EFCAB6: variants seen among roughly 807,000 people sequenced by gnomAD.
EFCAB6 encodes the protein EF-hand calcium-binding domain-containing protein 6.
Under a neutral mutation model 169.8 loss-of-function variants are expected in EFCAB6, and 156 were observed. The observed-to-expected ratio is 0.92, with a 90% CI of 0.81 to 1.05. The LOEUF (loss-of-function observed/expected upper bound fraction) is 1.05. EFCAB6 is among the 50% of genes least tolerant of loss of function. EFCAB6 has a pLI of 0.00. For synonymous variants in EFCAB6, 698 were observed against 676.4 expected, an observed-to-expected ratio of 1.03 and a Z score of -0.50; for missense variants, 1,800 against 1,829.1, an observed-to-expected ratio of 0.98 and a Z score of 0.29.
chr22:43,601,850 CT>C (rs2052547981), intron 22 of EFCAB6, among the ~76,000 whole-genome samples: 2 of 152,246 alleles, frequency 1.3e-5, no homozygotes, highest in Non-Finnish European at 2.9e-5. Flanking sequence ...ACAGGTGCCC[CT>C]GAGGGCTCTC....
intron 12 of EFCAB6, among the ~76,000 whole-genome samples, chr22:43,679,203 G>T (rs1013575411): frequency 3.9e-5 from 6 of 152,278 alleles, no homozygotes; most frequent in African/African-American, 1.4e-4. Flanking sequence ...TCTGTCTCTA[G>T]ATATTTGCCT....
intron 10 of EFCAB6, among the ~76,000 whole-genome samples, chr22:43,690,060 C>T (rs978931175): frequency 6.6e-6 from 1 of 152,068 alleles, no homozygotes; most frequent in South Asian, 2.1e-4. Flanking sequence ...ACATATCCAC[C>T]CAGCCAGATA....
At chr22:43,699,432 CT>C (rs1354921306) in intron 10 of EFCAB6, among the ~76,000 whole-genome samples, 1 of 152,174 alleles carries the variant, frequency 6.6e-6, no homozygotes, top group Admixed American at 6.5e-5. Flanking sequence ...TGGCTTCCCC[CT>C]GTTCGTATCC....
At chr22:43,640,483 T>C (rs1422063986) in intron 17 of EFCAB6, among the ~76,000 whole-genome samples, 1 of 152,138 alleles carries the variant, frequency 6.6e-6, no homozygotes. Context: ...CAGCCAGAGA[T>C]TGAGGAAGAA....
At chr22:43,598,722 C>T (rs1422245451) in intron 23 of EFCAB6, among the ~76,000 whole-genome samples, 1 of 152,142 alleles carries the variant, frequency 6.6e-6, no homozygotes, top group East Asian at 1.9e-4. Context: ...GATTATTACA[C>T]ATTGCATGCC....
chr22:43,782,119 A>G, intron 3 of EFCAB6, 61 bp downstream of exon 3: 1 of 1,518,906 alleles, frequency 6.6e-7, no homozygotes, highest in Non-Finnish European at 9.0e-7. Flanking sequence ...AGCTTGGTAC[A>G]TATTAAATAC....
intron 20 of EFCAB6, among the ~76,000 whole-genome samples, chr22:43,616,644 G>C (rs1327508125): frequency 6.6e-6 from 1 of 152,122 alleles, no homozygotes; most frequent in Admixed American, 6.6e-5. Flanking sequence ...CAGCCTGGGG[G>C]AGAGCACGAG....
intron 30 of EFCAB6, among the ~76,000 whole-genome samples, chr22:43,534,268 ACT>A (rs1170024104): frequency 1.3e-5 from 2 of 151,336 alleles, no homozygotes; most frequent in Admixed American, 6.6e-5. Context: ...TTCCCACTTC[ACT>A]CTCTCTCTCA....
intron 8 of EFCAB6, among the ~76,000 whole-genome samples, chr22:43,723,574 T>G (rs2059615121): frequency 6.6e-6 from 1 of 152,214 alleles, no homozygotes; most frequent in Admixed American, 6.5e-5. Context: ...TTTTAAATTA[T>G]CAGGGCATCC....
At chr22:43,764,411 T>C (rs1413314267) in intron 5 of EFCAB6, among the ~76,000 whole-genome samples, 6 of 152,228 alleles carry the variant, frequency 3.9e-5, no homozygotes, top group Non-Finnish European at 2.9e-5. Context: ...GGTGTATATG[T>C]ACCACATTTT....
intron 5 of EFCAB6, among the ~76,000 whole-genome samples, chr22:43,765,070 T>C (rs1049585276): frequency 6.6e-6 from 1 of 152,228 alleles, no homozygotes; most frequent in African/African-American, 2.4e-5. Flanking sequence ...TTGCTGTGTT[T>C]ACATTTTATT....
chr22:43,809,804 C>T (rs1050665864), intron 1 of EFCAB6, among the ~76,000 whole-genome samples: 59 of 152,142 alleles, frequency 3.9e-4, no homozygotes, highest in African/African-American at 1.4e-3. Context: ...TAGGGTCTCA[C>T]CACGTTGGCC....
intron 17 of EFCAB6, among the ~76,000 whole-genome samples, chr22:43,641,616 C>CAAAA (rs36039582): frequency 0.012 from 1,445 of 122,046 alleles, 29 homozygotes; most frequent in African/African-American, 0.041. Flanking sequence ...AACTCCATCT[C>CAAAA]AAAAAAAAAA....
chr22:43,672,823 T>C (rs1478235168), intron 13 of EFCAB6, among the ~76,000 whole-genome samples: 1 of 152,052 alleles, frequency 6.6e-6, no homozygotes, highest in African/African-American at 2.4e-5. Context: ...TAAACCCCCA[T>C]GACACAAGTT....
At chr22:43,785,649 CAAT>C (rs2062051072) in intron 2 of EFCAB6, among the ~76,000 whole-genome samples, 1 of 151,812 alleles carries the variant, frequency 6.6e-6, no homozygotes, top group African/African-American at 2.4e-5. Context: ...ATGAAGAAAA[CAAT>C]AAAGATTGGA....
chr22:43,573,199 CAAAAT>C (rs1321641214), intron 26 of EFCAB6, among the ~76,000 whole-genome samples: 1 of 152,104 alleles, frequency 6.6e-6, no homozygotes, highest in African/African-American at 2.4e-5. Context: ...AGCAAAAAAA[CAAAAT>C]AAAAGTGATT....
At chr22:43,699,255 A>C (rs1343513024) in intron 10 of EFCAB6, among the ~76,000 whole-genome samples, 1 of 152,130 alleles carries the variant, frequency 6.6e-6, no homozygotes, top group Non-Finnish European at 1.5e-5. Context: ...GGAAGGTGAG[A>C]GGAGAAAGAA....
intron 23 of EFCAB6, among the ~76,000 whole-genome samples, chr22:43,592,832 A>G (rs934246424): frequency 1.3e-5 from 2 of 152,240 alleles, no homozygotes; most frequent in Non-Finnish European, 2.9e-5. Context: ...TACTGTTGCT[A>G]TTCTGATTCT....
chr22:43,691,943 G>A (rs1398679835), intron 10 of EFCAB6, among the ~76,000 whole-genome samples: 1 of 152,132 alleles, frequency 6.6e-6, no homozygotes, highest in Non-Finnish European at 1.5e-5. Flanking sequence ...AGCCTCGGAT[G>A]AGGCACTGCA....
Sources: gnomAD v4.1 joint callset for allele counts (sites outside exome capture counted in the v4.1 genomes callset) on GRCh38, gnomAD v4.1.1 for gene constraint, MANE v1.5 for transcripts, NCBI Gene and HGNC (gene_info 2026-07-23, HGNC 2026-07-21) for gene names.